The following ACSL6 variants were observed in gnomAD, a reference collection of about 807,000 sequenced individuals.
The protein encoded by ACSL6 is acyl-CoA synthetase long chain family member 6, also known as long-chain-fatty-acid--CoA ligase 6.
A neutral mutation model predicts 98.2 loss-of-function variants in ACSL6; 47 were observed. That is an observed-to-expected ratio of 0.48 (90% CI 0.38 to 0.61). The LOEUF is 0.61. Among genes scored for constraint, ACSL6 ranks in the 20% least tolerant of loss-of-function variants. The pLI is 0.00. For synonymous variants in ACSL6, 362 were observed against 336.9 expected, an observed-to-expected ratio of 1.07 and a Z score of -0.82; for missense variants, 761 against 913.4, an observed-to-expected ratio of 0.83 and a Z score of 2.15.
intron 2 of ACSL6, among the ~76,000 whole-genome samples, chr5:131,992,548 G>A (rs1011237106): frequency 2.6e-5 from 4 of 152,144 alleles, no homozygotes. Context: ...CCCATGTCCT[G>A]TCTTCCAGAC....
At chr5:132,005,006 G>C (rs1278443775) in intron 1 of ACSL6, among the ~76,000 whole-genome samples, 1 of 152,084 alleles carries the variant, frequency 6.6e-6, no homozygotes, top group Non-Finnish European at 1.5e-5. Flanking sequence ...AAAAAAATTA[G>C]CCGGGTGTGG....
At chr5:131,985,733 T>C (rs1191166580) in intron 8 of ACSL6, among the ~76,000 whole-genome samples, 1 of 152,210 alleles carries the variant, frequency 6.6e-6, no homozygotes, top group Non-Finnish European at 1.5e-5. Flanking sequence ...CTCCCCTACT[T>C]GAGCCTGGGC....
At chr5:131,978,604 C>T (rs989792478) in intron 9 of ACSL6, among the ~76,000 whole-genome samples, 6 of 152,106 alleles carry the variant, frequency 3.9e-5, no homozygotes, top group African/African-American at 1.4e-4. Context: ...TGGACTGACA[C>T]TTGTAATTCT....
chr5:131,959,522 A>G lies in ACSL6; in HGVS notation c.2031+14T>C, dbSNP rs1561773990. On this transcript the variant is annotated intron_variant, in intron 20 of 20. Coordinates refer to ENST00000651883, the MANE Select transcript of ACSL6 (RefSeq NM_001009185.3). ...CTGAAGGGTTGTAACGAGTATGGGG[A>G]AGGTAACAGTTACCTGCTCAAAAGA... The G allele has an allele frequency of 6.2e-7, 1 of 1,612,848 alleles. No homozygotes were observed. Among genetic ancestry groups the G allele is most frequent in the Admixed American group, 1.7e-5 (1 of 60,026 alleles).
chr5:131,968,443 C>G (rs968746787), intron 15 of ACSL6, among the ~76,000 whole-genome samples: 8 of 152,194 alleles, frequency 5.3e-5, no homozygotes, highest in African/African-American at 1.9e-4. Context: ...TGCTTTTCCT[C>G]TAGCCACCAG....
chr5:132,002,709 G>A (rs1327849214), intron 1 of ACSL6, among the ~76,000 whole-genome samples: 1 of 152,180 alleles, frequency 6.6e-6, no homozygotes, highest in African/African-American at 2.4e-5. Flanking sequence ...ATCGAAGAGG[G>A]ACAGAAGTGG....
At chr5:132,004,400 G>A (rs959400276) in intron 1 of ACSL6, among the ~76,000 whole-genome samples, 1 of 152,182 alleles carries the variant, frequency 6.6e-6, no homozygotes, top group Admixed American at 6.5e-5. Context: ...ACATGTGGCC[G>A]TTGAGCCTGA....
rs1752201575 is a variant in ACSL6 at position 131,952,415 on chromosome 5, T to C, written c.*1819A>G. 1 of 210,564 alleles carries C rather than the reference T, an allele frequency of 4.7e-6. No homozygotes were observed. The highest frequency in any genetic ancestry group is 9.6e-6 in the Non-Finnish European group (1 of 103,816). 13.0% of individuals were successfully genotyped at this position (210,564 alleles called of 1,614,324 possible). ...ATAAGTATATAATCACTGATGCATA[T>C]TTATTCAGTAGGCCCATGTGATTAT... is the stretch of plus-strand genomic sequence containing the variant. On this transcript the variant is annotated 3_prime_UTR_variant, in exon 21 of 21. Coordinates refer to ENST00000651883, the MANE Select transcript of ACSL6 (RefSeq NM_001009185.3).
In ACSL6 at chr5:131,954,008, T is replaced by C. The variant is rs1180513662; in HGVS notation, c.*226A>G. 4 of 328,534 alleles carry C rather than the reference T, an allele frequency of 1.2e-5. No homozygotes were observed. The highest frequency in any genetic ancestry group is 2.2e-5 in the Non-Finnish European group (4 of 184,614). 20.4% of individuals were successfully genotyped at this position (328,534 alleles called of 1,614,324 possible). On this transcript the variant is annotated 3_prime_UTR_variant, in exon 21 of 21. Coordinates refer to ENST00000651883, the MANE Select transcript of ACSL6 (RefSeq NM_001009185.3). ...GTCTTGATTTTTACATTGCCATTTG[T>C]GATATTTTTAGCAGTCCACCACAAT...
chr5:132,004,754 C>T (rs1755296847), intron 1 of ACSL6, among the ~76,000 whole-genome samples: 1 of 152,174 alleles, frequency 6.6e-6, no homozygotes, highest in Non-Finnish European at 1.5e-5. Context: ...CCCTACCAGC[C>T]TACTGGATGG....
intron 10 of ACSL6, chr5:131,975,686 T>C (rs1753576890): frequency 5.1e-6 from 5 of 985,164 alleles, no homozygotes; most frequent in Admixed American, 1.2e-4. Flanking sequence ...CCAGGACACA[T>C]CTCACAGATG....
chr5:132,000,530 T>G lies in ACSL6; in HGVS notation c.50-6279A>C, dbSNP rs150584262. ...GAGGCTTAGGGGTGTGGGTGGCTAC[T>G]TCCATAGCATTTTCACTACTATTTC... On this transcript the variant is annotated intron_variant, in intron 1 of 20. Transcript: ENST00000651883. Among the ~76,000 whole-genome samples the G allele has an allele frequency of 2.2e-3, 341 of 152,118 alleles. 2 individuals are homozygous for G. Among genetic ancestry groups the G allele is most frequent in the Middle Eastern group, 3.4e-3 (1 of 292 alleles).
At chr5:131,995,770 C>T (rs1428612823) in intron 1 of ACSL6, among the ~76,000 whole-genome samples, 1 of 152,230 alleles carries the variant, frequency 6.6e-6, no homozygotes, top group East Asian at 1.9e-4. Flanking sequence ...CCTTCTCCTT[C>T]TCTTATGAGC....
Position 131,989,832 on chromosome 5 carries a change from A to G in ACSL6, c.450+268T>C, listed in dbSNP as rs568009418. Among the ~76,000 whole-genome samples the G allele has an allele frequency of 3.3e-4, 50 of 152,214 alleles. 1 individual carries two copies. The South Asian group carries it at 9.3e-3, about 28-fold the overall frequency. ...TGGTCTCAAACTCCTGTGCTCAGGC[A>G]ATCCACCCGCCTTGGCCTCCCAAAG... On this transcript the variant is annotated intron_variant, in intron 4 of 20. Coordinates refer to ENST00000651883, the MANE Select transcript of ACSL6 (RefSeq NM_001009185.3).
At chr5:131,971,827 T>C (rs982737575) in intron 13 of ACSL6, among the ~76,000 whole-genome samples, 182 bp from the exon 14 acceptor site, 2 of 152,182 alleles carry the variant, frequency 1.3e-5, no homozygotes, top group Non-Finnish European at 2.9e-5. Context: ...CCCTTCCTAA[T>C]GATAAACACA....
At chr5:131,978,108 A>C (rs1028941636) in intron 9 of ACSL6, among the ~76,000 whole-genome samples, 2 of 152,248 alleles carry the variant, frequency 1.3e-5, no homozygotes, top group African/African-American at 2.4e-5. Context: ...AACCAAATTA[A>C]TCCCAGGGAA....
chr5:131,962,059 G>T (rs1752739110), intron 18 of ACSL6, among the ~76,000 whole-genome samples: 2 of 150,968 alleles, frequency 1.3e-5, no homozygotes, highest in Admixed American at 6.6e-5. Flanking sequence ...TGCACCTGTA[G>T]TCCCAGCTAT....
At position 131,962,530 on chromosome 5, in the gene ACSL6, C is replaced by T. The variant is rs1194292362; in HGVS notation, c.1857+5G>A. On this transcript the variant is annotated splice_donor_5th_base_variant and intron_variant, in intron 18 of 20. Transcript: ENST00000651883. ...TGTGGGAGGGCTGAAGCCTAGAGGC[C>T]TCACCTTTAAGCTGTCCCCATGGAC... 1.9e-6 allele frequency: 3 copies of T among 1,611,134 alleles called. No individual in the cohort carries two copies. The highest frequency in any genetic ancestry group is 2.5e-6 in the Non-Finnish European group (3 of 1,178,186).
intron 19 of ACSL6, among the ~76,000 whole-genome samples, chr5:131,960,093 T>C (rs1752621774): frequency 6.6e-6 from 1 of 152,190 alleles, no homozygotes; most frequent in South Asian, 2.1e-4. Context: ...CTACTTTTTC[T>C]ATTCCATGAC....
Sources: gnomAD v4.1 joint callset for allele counts (sites outside exome capture counted in the v4.1 genomes callset) on GRCh38, gnomAD v4.1.1 for gene constraint, MANE v1.5 for transcripts, NCBI Gene and HGNC (gene_info 2026-07-23, HGNC 2026-07-21) for gene names.